Variants in ASPG observed in about 807,000 individuals in gnomAD.
ASPG encodes the protein asparaginase.
A neutral mutation model predicts 63.2 loss-of-function variants in ASPG; 53 were observed. The observed-to-expected ratio is 0.84, with a 90% CI of 0.67 to 1.05. ASPG has a LOEUF of 1.05. Among genes scored for constraint, ASPG ranks in the 50% least tolerant of loss-of-function variants. The pLI is 0.00. For missense variants in ASPG, 741 were observed against 794.4 expected, an observed-to-expected ratio of 0.93 and a Z score of 0.81; for synonymous variants, 370 against 355.0, an observed-to-expected ratio of 1.04 and a Z score of -0.48.
At chr14:104,098,566 A>AGGAAG (rs1485936627) in intron 5 of ASPG, among the ~76,000 whole-genome samples, 18 of 152,100 alleles carry the variant, frequency 1.2e-4, no homozygotes, top group Non-Finnish European at 2.4e-4. Flanking sequence ...TGGGAAGGGA[A>AGGAAG]GGAAGTACGG....
At chr14:104,100,593 C>T (rs963538733) in intron 6 of ASPG, among the ~76,000 whole-genome samples, 2 of 152,166 alleles carry the variant, frequency 1.3e-5, no homozygotes, top group Admixed American at 6.5e-5. Flanking sequence ...GGCTCACACC[C>T]TGTCCCTTCT....
intron 6 of ASPG, among the ~76,000 whole-genome samples, chr14:104,101,007 C>T (rs367675664): frequency 3.3e-5 from 5 of 152,216 alleles, no homozygotes; most frequent in East Asian, 1.9e-4. Context: ...CCGCCAGCAC[C>T]GGGTGCTAAG....
intron 6 of ASPG, 54 bp from the exon 7 acceptor site, chr14:104,103,509 G>A: frequency 6.8e-7 from 1 of 1,474,654 alleles, no homozygotes; most frequent in South Asian, 1.3e-5. Flanking sequence ...CTGGGCTGGG[G>A]TCTCGGCTGG....
chr14:104,094,240 G>A (rs1005596460), intron 3 of ASPG, among the ~76,000 whole-genome samples: 3 of 152,094 alleles, frequency 2.0e-5, no homozygotes, highest in Admixed American at 1.3e-4. Context: ...AGTATCTGGG[G>A]CGCGGTGTGT....
At position 104,112,334 on chromosome 14, in the gene ASPG, G is replaced by A. The variant is rs562327124; in HGVS notation, c.1702-190G>A. ...GGGACCCCCTAGGCTGGGTGCTTCC[G>A]CTTGTCTCCCAGGCCAGTTCCCAGC... On this transcript the variant is annotated intron_variant, in intron 15 of 15. Transcript: ENST00000551177. Among the ~76,000 whole-genome samples the A allele has an allele frequency of 8.6e-5, 13 of 151,814 alleles. No individual in the cohort carries two copies. In the South Asian group the frequency reaches 2.5e-3, roughly 29 times the overall value.
chr14:104,085,743 C>G lies in ASPG; in HGVS notation c.-28C>G, dbSNP rs751111815. On this transcript the variant is annotated 5_prime_UTR_variant, in exon 1 of 16. Coordinates refer to ENST00000551177, the MANE Select transcript of ASPG (RefSeq NM_001080464.3). ...GCCCTGCGTCCCCGCTGCACACCCC[C>G]GTCCACTCCCGTGGTCCCCGGTCCG... is the stretch of plus-strand genomic sequence containing the variant. The G allele has an allele frequency of 6.4e-6, 10 of 1,556,504 alleles. No individual in the cohort carries two copies. The highest frequency in any genetic ancestry group is 8.6e-6 in the Non-Finnish European group (10 of 1,160,836).
chr14:104,098,498 A>G (rs1295932311), intron 5 of ASPG, among the ~76,000 whole-genome samples: 3 of 152,078 alleles, frequency 2.0e-5, no homozygotes, highest in Non-Finnish European at 4.4e-5. Flanking sequence ...TGCTCGCTGC[A>G]CCTTTGGGAT....
At chr14:104,097,464 TG>T in intron 4 of ASPG, 89 bp from the exon 5 acceptor site, 2 of 1,304,374 alleles carry the variant, frequency 1.5e-6, no homozygotes, top group Non-Finnish European at 2.1e-6. Flanking sequence ...GCTCCTGGGC[TG>T]GGCCTGGGGG....
In ASPG at chr14:104,085,840, A is replaced by G. The variant is rs764430162; in HGVS notation, c.70A>G (p.Ser24Gly). Residue 24 changes from serine (S) to glycine (G), a missense_variant, in exon 1 of 16, where the codon AGT becomes GGT. By Grantham distance (56) the Ser-to-Gly change is moderately conservative (BLOSUM62 0). Coordinates refer to ENST00000551177, the MANE Select transcript of ASPG (RefSeq NM_001080464.3). The stretch of plus-strand genomic sequence containing the variant: ...CACCGGCGGCACCATTGGCATGCGG[A>G]GTGAGCTCGGCGGTGAGTCCGAGAC... ...VYTGGTIGMR[S>G]ELGVLVPGTG... 1 of 1,588,416 alleles carries G rather than the reference A, an allele frequency of 6.3e-7. No homozygotes were observed. The highest frequency in any genetic ancestry group is 8.5e-7 in the Non-Finnish European group (1 of 1,173,518).
chr14:104,111,631 C>G, intron 14 of ASPG, 30 bp downstream of exon 14: 1 of 1,529,476 alleles, frequency 6.5e-7, no homozygotes, highest in Non-Finnish European at 8.9e-7. Context: ...GCACCCTCTC[C>G]AAAGGCTGCC....
chr14:104,095,735 T>G (rs2140997051), intron 4 of ASPG, 79 bp downstream of exon 4: 2 of 1,572,576 alleles, frequency 1.3e-6, no homozygotes, highest in East Asian at 4.5e-5. Flanking sequence ...GGGCGGCCGC[T>G]GCGGGACCCC....
rs976930486 is a variant in ASPG at position 104,112,842 on chromosome 14, C to A, written c.*298C>A. The A allele has an allele frequency of 2.0e-6, 1 of 504,328 alleles. No individual in the cohort carries two copies. The highest frequency in any genetic ancestry group is 2.1e-5 in the South Asian group (1 of 47,420). 31.2% of individuals were successfully genotyped at this position (504,328 alleles called of 1,614,324 possible). On this transcript the variant is annotated 3_prime_UTR_variant, in exon 16 of 16. Coordinates refer to ENST00000551177, the MANE Select transcript of ASPG (RefSeq NM_001080464.3). The stretch of plus-strand genomic sequence containing the variant: ...GCCCATCCTTCCGGGGGCAGCTGTG[C>A]GTGTGAGCTGGGCAGGGTGGGGTGC...
At chr14:104,095,861 G>T (rs575041306) in intron 4 of ASPG, among the ~76,000 whole-genome samples, 1 of 152,244 alleles carries the variant, frequency 6.6e-6, no homozygotes, top group East Asian at 1.9e-4. Context: ...CAGGAGGGGG[G>T]TCATCTCCTG....
At chr14:104,106,536 G>A (rs531961998) in intron 10 of ASPG, among the ~76,000 whole-genome samples, 19 of 152,182 alleles carry the variant, frequency 1.2e-4, no homozygotes, top group East Asian at 3.9e-4. Flanking sequence ...CCACACACCC[G>A]TTGGGGACAG....
Position 104,114,598 on chromosome 14 carries a change from T to C in ASPG, c.*2054T>C, listed in dbSNP as rs1004529850. 2.0e-5 allele frequency: 3 copies of C among 152,134 alleles called. No homozygotes were observed. Among genetic ancestry groups the C allele is most frequent in the Non-Finnish European group, 4.4e-5 (3 of 68,116 alleles). 9.4% of individuals were successfully genotyped at this position (152,134 alleles called of 1,614,324 possible). A position where few individuals can be genotyped will look rare whatever the true frequency, so the allele number is the denominator to read the frequency against. On this transcript the variant is annotated 3_prime_UTR_variant, in exon 16 of 16. Coordinates refer to ENST00000551177, the MANE Select transcript of ASPG (RefSeq NM_001080464.3). ...CCTGGGTAAGGGGACTCCTCTAGAA[T>C]CACCCAGAAGTGGCAGGAGGTGCAG...
rs2037395949 is a variant in ASPG, at chr14:104,111,943, A to C, written c.1644A>C (p.Ala548=). 18 of 1,556,796 alleles carry C rather than the reference A, an allele frequency of 1.2e-5. No homozygotes were observed. The highest frequency in any genetic ancestry group is 1.5e-5 in the Non-Finnish European group (17 of 1,150,048). ...LHVAEAAGNL[A]VVAFLQSLEG... ...AGGCAGAGGCAGCCGGGAACCTGGC[A>C]GTGGTGGCCTTTCTACAGAGCCTGG... The change falls in exon 15 of 16, where the codon GCA becomes GCC. Residue 548 remains alanine (A), a synonymous_variant. Transcript: ENST00000551177.
chr14:104,104,473 A>C lies in ASPG; in HGVS notation c.923A>C (p.Tyr308Ser), dbSNP rs767282963. The C allele has an allele frequency of 6.2e-7, 1 of 1,612,200 alleles. No homozygotes were observed. The highest frequency in any genetic ancestry group is 1.1e-5 in the South Asian group (1 of 91,056). The change falls in exon 8 of 16, where the codon TAT becomes TCT. Residue 308 changes from tyrosine to serine, a missense_variant. Coordinates refer to ENST00000551177, the MANE Select transcript of ASPG (RefSeq NM_001080464.3). Reference sequence around the variant, plus strand: ...CTCCAGGGGGCTGTGACCACAGACTATGCAGCTGGCATGGTAGTGCCGGGA... The same window carrying C: ...CTCCAGGGGGCTGTGACCACAGACTCTGCAGCTGGCATGGTAGTGCCGGGA... ...HCLQGAVTTDYAAGMAMAGAG... is the reference protein window; with the variant it reads ...HCLQGAVTTDSAAGMAMAGAG...
chr14:104,101,302 G>A (rs572083337), intron 6 of ASPG, among the ~76,000 whole-genome samples: 32 of 152,318 alleles, frequency 2.1e-4, no homozygotes, highest in South Asian at 2.1e-3. Flanking sequence ...GCCTCTCTGA[G>A]CCAGCTGGGG....
intron 9 of ASPG, 162 bp from the exon 10 acceptor site, chr14:104,105,166 G>T (rs2037065691): frequency 1.1e-5 from 12 of 1,127,428 alleles, no homozygotes; most frequent in Non-Finnish European, 1.5e-5. Flanking sequence ...CTGGCCTTGG[G>T]AGGGGACCCA....
Sources: allele counts gnomAD v4.1 joint callset (sites outside exome capture counted in the v4.1 genomes callset), GRCh38; gene constraint gnomAD v4.1.1; transcripts MANE v1.5; gene names NCBI Gene and HGNC (gene_info 2026-07-23, HGNC 2026-07-21).